UNC5C: variants seen among roughly 807,000 people sequenced by gnomAD.
The protein encoded by UNC5C is unc-5 netrin receptor C.
Under a neutral mutation model 99.8 loss-of-function variants are expected in UNC5C, and 47 were observed. The ratio of observed to expected loss-of-function variants is 0.47; its 90% CI spans 0.37 to 0.60. The LOEUF is 0.60. Among genes scored for constraint, UNC5C ranks in the 20% least tolerant of loss-of-function variants. The pLI is 0.00. For synonymous variants in UNC5C, 487 were observed against 452.2 expected (o/e 1.08, Z -0.98); for missense variants, 1,062 against 1,165.9 (o/e 0.91, Z 1.30).
At chr4:95,361,036 G>A (rs1744374056) in intron 1 of UNC5C, among the ~76,000 whole-genome samples, 2 of 152,282 alleles carry the variant, frequency 1.3e-5, no homozygotes, top group South Asian at 4.1e-4. Flanking sequence ...ACTGCAGCTA[G>A]TTCATTGACA....
At chr4:95,182,265 TGGCCACAG>T (rs1356505113) in intron 14 of UNC5C, among the ~76,000 whole-genome samples, 8 of 152,194 alleles carry the variant, frequency 5.3e-5, no homozygotes, top group Non-Finnish European at 1.2e-4. Flanking sequence ...GCAAAGCTGA[TGGCCACAG>T]GGGGGAAATA....
intron 1 of UNC5C, among the ~76,000 whole-genome samples, chr4:95,339,845 C>G (rs543261042): frequency 6.6e-6 from 1 of 151,846 alleles, no homozygotes; most frequent in Non-Finnish European, 1.5e-5. Context: ...TCCAGAGTTG[C>G]TTTTGTTCTG....
At chr4:95,483,685 C>G (rs906721975) in intron 1 of UNC5C, among the ~76,000 whole-genome samples, 8 of 151,840 alleles carry the variant, frequency 5.3e-5, no homozygotes, top group African/African-American at 1.4e-4. Flanking sequence ...AGGGTTCCCT[C>G]TCCTTGATAA....
At chr4:95,195,052 C>CAGTT (rs1275493468) in intron 12 of UNC5C, among the ~76,000 whole-genome samples, 12 of 152,158 alleles carry the variant, frequency 7.9e-5, no homozygotes. Context: ...AGTTAGATTC[C>CAGTT]AGTTAGATTT....
chr4:95,279,346 T>C (rs6532542), intron 3 of UNC5C, among the ~76,000 whole-genome samples: 90,107 of 151,808 alleles, frequency 0.59, 26,807 homozygotes, highest in East Asian at 0.84. Context: ...ATATAGTTGA[T>C]ACAGGAGTAT....
chr4:95,223,028 C>G (rs1291889969), intron 7 of UNC5C, among the ~76,000 whole-genome samples: 1 of 152,052 alleles, frequency 6.6e-6, no homozygotes, highest in Non-Finnish European at 1.5e-5. Flanking sequence ...TAGAAAAATG[C>G]AGAAATAGCA....
chr4:95,422,045 A>G, intron 1 of UNC5C, among the ~76,000 whole-genome samples: 1 of 152,248 alleles, frequency 6.6e-6, no homozygotes, highest in Non-Finnish European at 1.5e-5. Flanking sequence ...ACTGGTCCCA[A>G]GACAGCAGGC....
intron 3 of UNC5C, among the ~76,000 whole-genome samples, chr4:95,301,120 AT>A (rs1430896335): frequency 6.6e-6 from 1 of 152,154 alleles, no homozygotes; most frequent in Non-Finnish European, 1.5e-5. Context: ...AAAATTAAAA[AT>A]AAAATGAAAT....
intron 12 of UNC5C, among the ~76,000 whole-genome samples, chr4:95,191,373 A>G (rs556601901): frequency 6.6e-6 from 1 of 152,276 alleles, no homozygotes; most frequent in South Asian, 2.1e-4. Context: ...AAGTATATCT[A>G]TTAGAGTATG....
intron 2 of UNC5C, among the ~76,000 whole-genome samples, chr4:95,330,075 T>A (rs1395368190): frequency 1.3e-5 from 2 of 152,158 alleles, no homozygotes; most frequent in Non-Finnish European, 2.9e-5. Flanking sequence ...TCCTCACTGG[T>A]TGAAAAACTG....
chr4:95,340,773 T>C (rs11097467), intron 1 of UNC5C, among the ~76,000 whole-genome samples: 84,666 of 151,884 alleles, frequency 0.56, 26,175 homozygotes, highest in East Asian at 0.99. Context: ...GGGGCACCAT[T>C]TTCTGCCCGC....
chr4:95,380,363 C>T (rs1745033976), intron 1 of UNC5C, among the ~76,000 whole-genome samples: 1 of 151,852 alleles, frequency 6.6e-6, no homozygotes, highest in South Asian at 2.1e-4. Context: ...AGAAATCATA[C>T]ATTATAAAGA....
intron 10 of UNC5C, among the ~76,000 whole-genome samples, chr4:95,208,625 C>A (rs891551430): frequency 6.6e-6 from 1 of 152,162 alleles, no homozygotes; most frequent in Non-Finnish European, 1.5e-5. Context: ...AACACAAGAA[C>A]AGGGCAAGGG....
At chr4:95,182,161 G>GAGA (rs1736636733) in intron 14 of UNC5C, among the ~76,000 whole-genome samples, 1 of 152,174 alleles carries the variant, frequency 6.6e-6, no homozygotes, top group Non-Finnish European at 1.5e-5. Flanking sequence ...TTTCCTTAAG[G>GAGA]AGAAGTTTTA....
chr4:95,264,774 G>A (rs997628093), intron 4 of UNC5C, among the ~76,000 whole-genome samples: 7 of 152,068 alleles, frequency 4.6e-5, no homozygotes, highest in South Asian at 4.1e-4. Flanking sequence ...GGCCTTTCTC[G>A]TTGCTAAATC....
intron 1 of UNC5C, among the ~76,000 whole-genome samples, chr4:95,489,484 G>T (rs963427807): frequency 6.6e-6 from 1 of 151,688 alleles, no homozygotes; most frequent in Non-Finnish European, 1.5e-5. Flanking sequence ...AAGATCACAT[G>T]GTAGAAAGTC....
intron 5 of UNC5C, among the ~76,000 whole-genome samples, chr4:95,246,256 G>T (rs1259521721): frequency 6.6e-6 from 1 of 152,130 alleles, no homozygotes. Flanking sequence ...ACTGTAGAAG[G>T]CTATTTAATA....
At chr4:95,424,518 C>CTTTTCT (rs1200746093) in intron 1 of UNC5C, among the ~76,000 whole-genome samples, 1 of 67,950 alleles carries the variant, frequency 1.5e-5, no homozygotes, top group African/African-American at 6.0e-5. Flanking sequence ...TTTTTCTTTT[C>CTTTTCT]TTTTTTTTTT....
intron 2 of UNC5C, among the ~76,000 whole-genome samples, chr4:95,327,417 A>G (rs1742929034): frequency 6.6e-6 from 1 of 152,102 alleles, no homozygotes; most frequent in Admixed American, 6.6e-5. Context: ...AGGATTGAAA[A>G]AAACTCAAAC....
Sources: gnomAD v4.1 joint callset for allele counts (sites outside exome capture counted in the v4.1 genomes callset) on GRCh38, gnomAD v4.1.1 for gene constraint, MANE v1.5 for transcripts, NCBI Gene and HGNC (gene_info 2026-07-23, HGNC 2026-07-21) for gene names.